SNTG1: variants seen among roughly 807,000 people sequenced by gnomAD.
The protein encoded by SNTG1 is syntrophin gamma 1, also known as gamma-1-syntrophin.
In SNTG1, 39 loss-of-function variants were observed where a neutral mutation model predicts 74.7. The ratio of observed to expected loss-of-function variants is 0.52; its 90% CI spans 0.40 to 0.68. The LOEUF is 0.68. Among genes scored for constraint, SNTG1 ranks in the 30% least tolerant of loss-of-function variants. SNTG1 has a pLI of 0.00. For synonymous variants in SNTG1, 254 were observed against 217.1 expected (o/e 1.17, Z -1.49); for missense variants, 685 against 609.5 (o/e 1.12, Z -1.30).
intron 8 of SNTG1, among the ~76,000 whole-genome samples, chr8:50,480,400 A>T (rs2093730493): frequency 6.6e-6 from 1 of 152,170 alleles, no homozygotes; most frequent in African/African-American, 2.4e-5. Context: ...AAAAGTATAC[A>T]AGGAGAAATA....
At chr8:50,279,179 A>T (rs2088292930) in intron 2 of SNTG1, among the ~76,000 whole-genome samples, 1 of 152,188 alleles carries the variant, frequency 6.6e-6, no homozygotes, top group African/African-American at 2.4e-5. Context: ...GAGAAAAATA[A>T]GTTGATTTCA....
chr8:50,745,037 A>G (rs2095552058), intron 17 of SNTG1, among the ~76,000 whole-genome samples: 1 of 152,026 alleles, frequency 6.6e-6, no homozygotes, highest in African/African-American at 2.4e-5. Context: ...CAACAAAATA[A>G]AAGATAGATA....
At chr8:50,051,286 A>T (rs1819553524) in intron 1 of SNTG1, among the ~76,000 whole-genome samples, 1 of 151,624 alleles carries the variant, frequency 6.6e-6, no homozygotes, top group Non-Finnish European at 1.5e-5. Context: ...ACAAGAAGAA[A>T]ACATTTAAAT....
At chr8:50,264,185 C>T (rs898494856) in intron 2 of SNTG1, among the ~76,000 whole-genome samples, 1 of 151,956 alleles carries the variant, frequency 6.6e-6, no homozygotes, top group African/African-American at 2.4e-5. Flanking sequence ...GATAATGTAG[C>T]GTTTACAAAA....
intron 1 of SNTG1, among the ~76,000 whole-genome samples, chr8:50,083,750 C>T (rs1262383996): frequency 1.3e-5 from 2 of 152,088 alleles, no homozygotes; most frequent in Non-Finnish European, 2.9e-5. Context: ...TGATATAGTC[C>T]TGTTTCCTGA....
chr8:50,718,950 C>A (rs1055930008), intron 17 of SNTG1, among the ~76,000 whole-genome samples: 1 of 152,182 alleles, frequency 6.6e-6, no homozygotes, highest in Non-Finnish European at 1.5e-5. Context: ...AATGCATTTA[C>A]TTAGATGTAC....
At chr8:50,346,200 G>A (rs935984107) in intron 2 of SNTG1, among the ~76,000 whole-genome samples, 5 of 152,198 alleles carry the variant, frequency 3.3e-5, no homozygotes, top group Non-Finnish European at 7.3e-5. Context: ...AGTGCATCAA[G>A]CAAGTTAATC....
At chr8:50,271,988 G>T (rs1352787060) in intron 2 of SNTG1, among the ~76,000 whole-genome samples, 1 of 152,080 alleles carries the variant, frequency 6.6e-6, no homozygotes, top group Non-Finnish European at 1.5e-5. Context: ...CCAGGTGAGA[G>T]TACAGCTAGA....
Position 50,501,425 on chromosome 8 carries a change from G to GTTTT in SNTG1, c.364-1327_364-1324dup, listed in dbSNP as rs59123896. On this transcript the variant is annotated intron_variant, in intron 8 of 18. Coordinates refer to ENST00000642720, the MANE Select transcript of SNTG1 (RefSeq NM_018967.5). The stretch of plus-strand genomic sequence containing the variant: ...GGAGCAGAGAGAGATGAGCCTGTGC[G>GTTTT]TTTTTTTTTTTTTTTTTTTTTTTTT... Among the ~76,000 whole-genome samples the GTTTT allele has an allele frequency of 5.3e-5, 3 of 57,098 alleles. 1 individual carries two copies. The highest frequency in any genetic ancestry group is 8.7e-5 in the Non-Finnish European group (3 of 34,310). 37.5% of individuals were successfully genotyped at this position (57,098 alleles called of 152,430 possible).
chr8:50,274,127 A>T (rs1586921623), intron 2 of SNTG1, among the ~76,000 whole-genome samples: 1 of 151,980 alleles, frequency 6.6e-6, no homozygotes, highest in Non-Finnish European at 1.5e-5. Context: ...TCGCTCTGTT[A>T]CCCAGGCTGG....
chr8:50,534,846 A>G (rs1233025729), intron 10 of SNTG1, among the ~76,000 whole-genome samples: 2 of 152,156 alleles, frequency 1.3e-5, no homozygotes, highest in Admixed American at 6.6e-5. Flanking sequence ...TGTTTTTCAA[A>G]GATGTTGCAA....
intron 8 of SNTG1, among the ~76,000 whole-genome samples, chr8:50,484,116 C>CTTTCTTTCTT (rs1199174099): frequency 9.1e-6 from 1 of 109,666 alleles, no homozygotes; most frequent in African/African-American, 3.4e-5. Flanking sequence ...TTCTTTCTTT[C>CTTTCTTTCTT]TTTCTTTCTT....
chr8:50,245,723 A>T (rs1227923918), intron 2 of SNTG1, among the ~76,000 whole-genome samples: 1 of 152,014 alleles, frequency 6.6e-6, no homozygotes, highest in African/African-American at 2.4e-5. Flanking sequence ...CAAAAAAAGG[A>T]TGTAAAATAG....
At chr8:50,655,411 T>A (rs1361420328) in intron 13 of SNTG1, among the ~76,000 whole-genome samples, 1 of 152,218 alleles carries the variant, frequency 6.6e-6, no homozygotes, top group African/African-American at 2.4e-5. Context: ...GTTCTTATTA[T>A]GTTATTATTA....
intron 2 of SNTG1, among the ~76,000 whole-genome samples, chr8:50,243,512 C>A (rs1259317253): frequency 6.6e-6 from 1 of 152,036 alleles, no homozygotes; most frequent in East Asian, 1.9e-4. Context: ...ATGCAAATGT[C>A]TGTTTGCTGC....
chr8:50,608,600 G>T (rs1226298696), intron 13 of SNTG1, among the ~76,000 whole-genome samples: 1 of 151,088 alleles, frequency 6.6e-6, no homozygotes, highest in Non-Finnish European at 1.5e-5. Flanking sequence ...TAAATCAAAT[G>T]CACATTTGTT....
At chr8:50,381,589 T>C (rs1563308937) in intron 2 of SNTG1, among the ~76,000 whole-genome samples, 4 of 139,086 alleles carry the variant, frequency 2.9e-5, no homozygotes, top group Non-Finnish European at 6.3e-5. Context: ...TGTGTGTGTG[T>C]GTGTATATAT....
intron 1 of SNTG1, among the ~76,000 whole-genome samples, chr8:50,082,588 G>A (rs1046701517): frequency 6.6e-6 from 1 of 152,092 alleles, no homozygotes; most frequent in African/African-American, 2.4e-5. Context: ...GTAAAAGAAT[G>A]TGCTCAAAGA....
At chr8:50,759,983 A>T (rs1160460298) in intron 18 of SNTG1, among the ~76,000 whole-genome samples, 1 of 152,068 alleles carries the variant, frequency 6.6e-6, no homozygotes, top group African/African-American at 2.4e-5. Flanking sequence ...TGAGCATGGA[A>T]TGTTTTCCCA....
Sources: gnomAD v4.1 joint callset for allele counts (sites outside exome capture counted in the v4.1 genomes callset) on GRCh38, gnomAD v4.1.1 for gene constraint, MANE v1.5 for transcripts, NCBI Gene and HGNC (gene_info 2026-07-23, HGNC 2026-07-21) for gene names.